ROR1: variants seen among roughly 807,000 people sequenced by gnomAD.
ROR1 encodes inactive tyrosine-protein kinase transmembrane receptor ROR1.
ROR1 carries 19 observed loss-of-function variants against 78.8 expected under a neutral mutation model. That is an observed-to-expected ratio of 0.24 (90% CI 0.17 to 0.35). The LOEUF is 0.35. Among genes scored for constraint, ROR1 ranks in the 10% least tolerant of loss-of-function variants. ROR1 has a pLI of 1.00. For synonymous variants in ROR1, 386 were observed against 433.6 expected (o/e 0.89, Z 1.36); for missense variants, 917 against 1,177.8 (o/e 0.78, Z 3.24).
intron 4 of ROR1, among the ~76,000 whole-genome samples, chr1:64,131,037 G>A (rs1648895694): frequency 6.6e-6 from 1 of 152,178 alleles, no homozygotes. Flanking sequence ...TTTTGGGAAA[G>A]CATTAGTAAG....
chr1:63,858,610 T>A lies in ROR1; in HGVS notation c.91+84102T>A, dbSNP rs1645162146. ...CTACTAGTTGAATTTAACTTTCAAG[T>A]GTACTTTGTATTTAAATCTGATGAT... is the stretch of plus-strand genomic sequence containing the variant. On this transcript the variant is annotated intron_variant, in intron 1 of 8. Coordinates refer to ENST00000371079, the MANE Select transcript of ROR1 (RefSeq NM_005012.4). 3.3e-5 allele frequency among the ~76,000 whole-genome samples: 5 copies of A among 152,372 alleles called. No homozygotes were observed. In the South Asian group the frequency reaches 8.3e-4, roughly 25 times the overall value.
At chr1:63,961,741 G>A (rs534026839) in intron 1 of ROR1, among the ~76,000 whole-genome samples, 9 of 152,216 alleles carry the variant, frequency 5.9e-5, no homozygotes, top group African/African-American at 1.9e-4. Flanking sequence ...ATGAAATTAC[G>A]GTTAGATAGG....
intron 1 of ROR1, among the ~76,000 whole-genome samples, chr1:63,862,440 C>T (rs1157146305): frequency 6.7e-6 from 1 of 149,964 alleles, no homozygotes; most frequent in Non-Finnish European, 1.5e-5. Context: ...TTATTGCAGG[C>T]AGGATACATT....
chr1:63,811,904 G>C (rs1644862200), intron 1 of ROR1, among the ~76,000 whole-genome samples: 1 of 151,892 alleles, frequency 6.6e-6, no homozygotes, highest in Admixed American at 6.6e-5. Flanking sequence ...CTTAGGTCCA[G>C]GTTGGGATCA....
chr1:63,803,007 T>G (rs535661683), intron 1 of ROR1, among the ~76,000 whole-genome samples: 1 of 152,386 alleles, frequency 6.6e-6, no homozygotes, highest in South Asian at 2.1e-4. Context: ...TTTTGCACTC[T>G]TCTTTTTGTA....
At chr1:64,161,536 C>A (rs748672324) in intron 8 of ROR1, among the ~76,000 whole-genome samples, 4 of 152,154 alleles carry the variant, frequency 2.6e-5, no homozygotes, top group Non-Finnish European at 5.9e-5. Flanking sequence ...GGGACATGTA[C>A]AATTTGGCTA....
chr1:63,911,860 T>C (rs1645573059), intron 1 of ROR1, among the ~76,000 whole-genome samples: 1 of 152,164 alleles, frequency 6.6e-6, no homozygotes, highest in African/African-American at 2.4e-5. Context: ...TCCTTCCTTC[T>C]CAAGCTGTAG....
chr1:64,082,932 T>C (rs190189424), intron 4 of ROR1, among the ~76,000 whole-genome samples: 1 of 152,362 alleles, frequency 6.6e-6, no homozygotes, highest in East Asian at 1.9e-4. Context: ...TCCATCTTGG[T>C]ATCTGCTTTC....
At chr1:63,966,253 C>T (rs1646074845) in intron 1 of ROR1, among the ~76,000 whole-genome samples, 1 of 152,204 alleles carries the variant, frequency 6.6e-6, no homozygotes, top group African/African-American at 2.4e-5. Context: ...TTACTCAGAG[C>T]TGTCAAAGCG....
At chr1:63,964,412 T>C (rs1216921379) in intron 1 of ROR1, among the ~76,000 whole-genome samples, 1 of 152,236 alleles carries the variant, frequency 6.6e-6, no homozygotes, top group Non-Finnish European at 1.5e-5. Flanking sequence ...TATGTATATG[T>C]GTGTTTATAT....
chr1:64,174,493 G>A (rs1194552685), intron 8 of ROR1, among the ~76,000 whole-genome samples: 2 of 152,152 alleles, frequency 1.3e-5, no homozygotes, highest in Admixed American at 1.3e-4. Flanking sequence ...TACTTTTCAA[G>A]CAGTGAAGGA....
intron 2 of ROR1, among the ~76,000 whole-genome samples, chr1:64,037,714 C>A (rs1646713768): frequency 6.6e-6 from 1 of 152,164 alleles, no homozygotes; most frequent in South Asian, 2.1e-4. Context: ...AGCAATCCTG[C>A]TGGAGGAGGA....
intron 1 of ROR1, among the ~76,000 whole-genome samples, chr1:63,941,550 C>A (rs555840575): frequency 2.0e-5 from 3 of 152,368 alleles, no homozygotes; most frequent in African/African-American, 7.2e-5. Context: ...GGACAAGTCA[C>A]TGAGCCTTTC....
At position 63,774,298 on chromosome 1, in the gene ROR1, C is replaced by T. The variant is rs1267766544; in HGVS notation, c.-120C>T. 19 of 509,336 alleles carry T rather than the reference C, an allele frequency of 3.7e-5. No homozygotes were observed. Among genetic ancestry groups the T allele is most frequent in the Non-Finnish European group, 2.8e-5 (9 of 323,808 alleles). The allele number at this position is 509,336 out of a possible 1,614,324, so 31.6% of individuals were successfully genotyped here. Reference sequence around the variant, plus strand: ...GAGGGACAAAGAGCTTTGCAGACGTCCCCGGCGTCCTGCGAGCGCCAGCGG... The same window carrying T: ...GAGGGACAAAGAGCTTTGCAGACGTTCCCGGCGTCCTGCGAGCGCCAGCGG... On this transcript the variant is annotated 5_prime_UTR_variant, in exon 1 of 9. Transcript: ENST00000371079. The surrounding 1 kb of genome is among the most constrained non-coding windows in gnomAD (Gnocchi z 5.7).
chr1:64,007,377 AGTGTGTGTGTGTGT>A (rs59753220), intron 1 of ROR1, among the ~76,000 whole-genome samples: 1 of 145,924 alleles, frequency 6.9e-6, no homozygotes, highest in African/African-American at 2.5e-5. Context: ...TAATGTTCTG[AGTGTGTGTGTGTGT>A]GTGTGTGTGT....
At chr1:64,033,730 T>A (rs1324819380) in intron 2 of ROR1, among the ~76,000 whole-genome samples, 1 of 152,232 alleles carries the variant, frequency 6.6e-6, no homozygotes, top group Non-Finnish European at 1.5e-5. Context: ...CTAACTCATT[T>A]ATCAAAATGT....
intron 4 of ROR1, among the ~76,000 whole-genome samples, chr1:64,068,637 A>G (rs1046912532): frequency 2.0e-5 from 3 of 152,222 alleles, no homozygotes; most frequent in African/African-American, 7.2e-5. Flanking sequence ...TTTGTATCAC[A>G]AAGTACAACA....
intron 7 of ROR1, among the ~76,000 whole-genome samples, chr1:64,152,172 T>C (rs902909490): frequency 1.1e-4 from 16 of 152,284 alleles, no homozygotes; most frequent in Middle Eastern, 3.4e-3. Flanking sequence ...AAAGAACAAG[T>C]CTATGGACTG....
At chr1:63,785,578 A>G (rs981536460) in intron 1 of ROR1, among the ~76,000 whole-genome samples, 7 of 151,478 alleles carry the variant, frequency 4.6e-5, no homozygotes, top group African/African-American at 1.7e-4. Flanking sequence ...GCTGGAGTGC[A>G]GTGGCACGAT....
Sources: allele counts gnomAD v4.1 joint callset (sites outside exome capture counted in the v4.1 genomes callset), GRCh38; gene constraint gnomAD v4.1.1; non-coding constraint Gnocchi (gnomAD v3.1); transcripts MANE v1.5; gene names NCBI Gene and HGNC (gene_info 2026-07-23, HGNC 2026-07-21).